Variants in ATRNL1 observed in about 807,000 individuals in gnomAD.
The protein encoded by ATRNL1 is attractin like 1.
A neutral mutation model predicts 182.7 loss-of-function variants in ATRNL1; 95 were observed. That is an observed-to-expected ratio of 0.52 (90% CI 0.44 to 0.62). The LOEUF (loss-of-function observed/expected upper bound fraction) is 0.62. Ranked by LOEUF, ATRNL1 falls within the 20% of genes least tolerant of loss-of-function variation. The pLI is 0.00. For synonymous variants in ATRNL1, 576 were observed against 568.3 expected, an observed-to-expected ratio of 1.01 and a Z score of -0.19; for missense variants, 1,471 against 1,679.5, an observed-to-expected ratio of 0.88 and a Z score of 2.17.
chr10:115,646,036 T>TACACAC (rs58679995), intron 26 of ATRNL1, among the ~76,000 whole-genome samples: 43,819 of 141,444 alleles, frequency 0.31, 7,442 homozygotes, highest in Middle Eastern at 0.41. Context: ...TTTTAAAATT[T>TACACAC]ACACACACAC....
At chr10:115,527,922 T>C (rs868942627) in intron 25 of ATRNL1, among the ~76,000 whole-genome samples, 302 of 63,234 alleles carry the variant, frequency 4.8e-3, no homozygotes, top group Non-Finnish European at 6.1e-3. Context: ...CTTCCTCCCT[T>C]CCTCCCTCCT....
intron 28 of ATRNL1, among the ~76,000 whole-genome samples, chr10:115,867,194 T>C (rs1555104928): frequency 1.3e-5 from 2 of 152,216 alleles, no homozygotes; most frequent in Admixed American, 6.5e-5. Flanking sequence ...GAGCTGGTAA[T>C]GTAAGAATTA....
intron 26 of ATRNL1, among the ~76,000 whole-genome samples, chr10:115,588,087 T>C (rs1555010822): frequency 6.6e-6 from 1 of 152,146 alleles, no homozygotes; most frequent in Non-Finnish European, 1.5e-5. Context: ...CCTTTCTTTT[T>C]TACTAAAACA....
intron 8 of ATRNL1, among the ~76,000 whole-genome samples, chr10:115,214,704 A>G (rs1849163565): frequency 6.6e-6 from 1 of 152,140 alleles, no homozygotes; most frequent in Non-Finnish European, 1.5e-5. Flanking sequence ...AGATTTTTAT[A>G]TAGCTGCTTT....
chr10:115,145,846 C>T lies in ATRNL1; in HGVS notation c.830-14194C>T, dbSNP rs61880800. On this transcript the variant is annotated intron_variant, in intron 5 of 28. Transcript: ENST00000355044. The stretch of plus-strand genomic sequence containing the variant: ...CTTCTGGGAAATTGCCTTTTGCTAA[C>T]GTAGCATAGTCTTGCTGGGATGAAA... Among the ~76,000 whole-genome samples the T allele has an allele frequency of 8.6e-3, 1,303 of 152,226 alleles. 7 individuals carry two copies. The highest frequency in any genetic ancestry group is 0.014 in the Non-Finnish European group (935 of 67,982).
At chr10:115,357,399 C>G (rs1856550235) in intron 19 of ATRNL1, among the ~76,000 whole-genome samples, 2 of 151,860 alleles carry the variant, frequency 1.3e-5, no homozygotes. Context: ...TGGACACACA[C>G]TTTTGCATTG....
intron 26 of ATRNL1, among the ~76,000 whole-genome samples, chr10:115,679,572 T>A (rs1945981997): frequency 6.6e-6 from 1 of 152,128 alleles, no homozygotes; most frequent in Non-Finnish European, 1.5e-5. Context: ...CATTCTGATC[T>A]CTACCCTGAG....
At chr10:115,335,377 A>C (rs948524778) in intron 19 of ATRNL1, among the ~76,000 whole-genome samples, 36 of 152,296 alleles carry the variant, frequency 2.4e-4, no homozygotes, top group African/African-American at 8.4e-4. Flanking sequence ...CACTAGCTGC[A>C]TATTAGAACC....
intron 28 of ATRNL1, among the ~76,000 whole-genome samples, chr10:115,923,767 C>T (rs1438748808): frequency 6.6e-6 from 1 of 152,138 alleles, no homozygotes; most frequent in Non-Finnish European, 1.5e-5. Context: ...TGGGTATATA[C>T]CCAGTAATGG....
At chr10:115,667,077 G>A (rs550411002) in intron 26 of ATRNL1, among the ~76,000 whole-genome samples, 1 of 152,096 alleles carries the variant, frequency 6.6e-6, no homozygotes, top group Admixed American at 6.6e-5. Flanking sequence ...GGTATATTCT[G>A]CCTGCCCCTC....
chr10:115,841,881 C>A (rs962985227), intron 27 of ATRNL1, among the ~76,000 whole-genome samples: 4 of 151,986 alleles, frequency 2.6e-5, no homozygotes, highest in African/African-American at 9.7e-5. Flanking sequence ...TAGCTGCGAG[C>A]CAAGTCATCA....
chr10:115,869,797 A>C (rs1555105644), intron 28 of ATRNL1, among the ~76,000 whole-genome samples: 3 of 152,102 alleles, frequency 2.0e-5, no homozygotes, highest in African/African-American at 4.8e-5. Flanking sequence ...TTTTTAATGA[A>C]GTTCTGTATT....
intron 5 of ATRNL1, among the ~76,000 whole-genome samples, chr10:115,152,962 C>G (rs531451313): frequency 2.0e-5 from 3 of 152,166 alleles, no homozygotes; most frequent in African/African-American, 7.2e-5. Context: ...TTTTCTGCAT[C>G]TATTGAGATA....
intron 26 of ATRNL1, among the ~76,000 whole-genome samples, chr10:115,561,657 C>T (rs2804145): frequency 0.31 from 44,549 of 142,560 alleles, 7,778 homozygotes; most frequent in East Asian, 0.68. Context: ...CTGCAGATAC[C>T]GAGGGACAAC....
intron 25 of ATRNL1, among the ~76,000 whole-genome samples, chr10:115,537,272 C>G (rs2133772679): frequency 6.6e-6 from 1 of 152,320 alleles, no homozygotes; most frequent in Non-Finnish European, 1.5e-5. Flanking sequence ...CTGAAATAGA[C>G]TTCTCCAAGA....
At chr10:115,943,853 G>C (rs1953801934) in intron 28 of ATRNL1, among the ~76,000 whole-genome samples, 1 of 151,956 alleles carries the variant, frequency 6.6e-6, no homozygotes, top group Non-Finnish European at 1.5e-5. Context: ...AGCAATAAAA[G>C]GAAACGAGTT....
intron 21 of ATRNL1, among the ~76,000 whole-genome samples, chr10:115,449,356 C>A (rs528119216): frequency 6.6e-6 from 1 of 152,032 alleles, no homozygotes. Context: ...CGGGGAAAGA[C>A]CACCTTCTCA....
chr10:115,282,418 C>A (rs1420974597), intron 14 of ATRNL1, among the ~76,000 whole-genome samples: 2 of 151,258 alleles, frequency 1.3e-5, no homozygotes, highest in African/African-American at 4.9e-5. Flanking sequence ...CTCTCCCCAC[C>A]CCACAACAGT....
chr10:115,729,206 T>C (rs1283062558), intron 27 of ATRNL1, among the ~76,000 whole-genome samples: 1 of 152,134 alleles, frequency 6.6e-6, no homozygotes, highest in Non-Finnish European at 1.5e-5. Context: ...AATCATCATA[T>C]CTTCATGTTC....
Sources: gnomAD v4.1 joint callset for allele counts (sites outside exome capture counted in the v4.1 genomes callset) on GRCh38, gnomAD v4.1.1 for gene constraint, MANE v1.5 for transcripts, NCBI Gene and HGNC (gene_info 2026-07-23, HGNC 2026-07-21) for gene names.